The following RBFOX1 variants were observed in gnomAD, a reference collection of about 807,000 sequenced individuals.
The protein encoded by RBFOX1 is RNA binding protein fox-1 homolog 1.
RBFOX1 carries 8 observed loss-of-function variants against 57.7 expected under a neutral mutation model. The ratio of observed to expected loss-of-function variants is 0.14; its 90% confidence interval spans 0.08 to 0.25. The LOEUF (loss-of-function observed/expected upper bound fraction) is 0.25, where lower values mean the gene tolerates loss of function less well. Among genes scored for constraint, RBFOX1 ranks in the 10% least tolerant of loss-of-function variants. The pLI, the probability that RBFOX1 is intolerant of heterozygous loss-of-function variation, is 1.00. For missense variants in RBFOX1, 611 were observed against 548.5 expected (o/e 1.11, Z -1.14); for synonymous variants, 326 against 222.4 (o/e 1.47, Z -4.15).
At chr16:6,591,013 T>G (rs1487363093) in intron 2 of RBFOX1, among the ~76,000 whole-genome samples, 1 of 152,132 alleles carries the variant, frequency 6.6e-6, no homozygotes, top group Non-Finnish European at 1.5e-5. Context: ...CTGAACTTGG[T>G]TTTGGCACTT....
intron 2 of RBFOX1, among the ~76,000 whole-genome samples, chr16:5,547,565 T>G (rs1456498382): frequency 6.6e-6 from 1 of 152,122 alleles, no homozygotes; most frequent in African/African-American, 2.4e-5. Context: ...AAATCTATAG[T>G]GACAGAAAGC....
intron 4 of RBFOX1, among the ~76,000 whole-genome samples, chr16:7,058,156 G>C (rs538603706): frequency 8.5e-5 from 13 of 152,096 alleles, no homozygotes; most frequent in Non-Finnish European, 1.8e-4. Context: ...GACACCTACC[G>C]CACGTCTTAC....
At chr16:7,397,854 T>C (rs778686221) in intron 4 of RBFOX1, among the ~76,000 whole-genome samples, 4 of 152,196 alleles carry the variant, frequency 2.6e-5, no homozygotes, top group Non-Finnish European at 5.9e-5. Context: ...AATAAACCTC[T>C]TAGTCTATTG....
chr16:5,943,802 C>T (rs1265373118), intron 4 of RBFOX1, among the ~76,000 whole-genome samples: 1 of 152,166 alleles, frequency 6.6e-6, no homozygotes, highest in Non-Finnish European at 1.5e-5. Context: ...TTTATCTATT[C>T]ACCCACCTAC....
At chr16:6,858,257 C>T (rs1325703428) in intron 3 of RBFOX1, among the ~76,000 whole-genome samples, 3 of 152,182 alleles carry the variant, frequency 2.0e-5, no homozygotes, top group African/African-American at 7.2e-5. Flanking sequence ...TGATGAACTA[C>T]ACTTTGTAGG....
At chr16:6,738,496 C>G (rs1285306265) in intron 3 of RBFOX1, among the ~76,000 whole-genome samples, 1 of 152,118 alleles carries the variant, frequency 6.6e-6, no homozygotes, top group South Asian at 2.1e-4. Context: ...GAAGCAAAAA[C>G]ATGTAGAACA....
chr16:7,019,229 G>T (rs2094081534), intron 3 of RBFOX1, among the ~76,000 whole-genome samples: 1 of 152,022 alleles, frequency 6.6e-6, no homozygotes, highest in South Asian at 2.1e-4. Flanking sequence ...GGTTTGGTGT[G>T]TTTGCCTTGT....
chr16:7,362,627 G>C (rs2097351184), intron 4 of RBFOX1, among the ~76,000 whole-genome samples: 1 of 151,828 alleles, frequency 6.6e-6, no homozygotes, highest in Admixed American at 6.6e-5. Context: ...CGTGTAGTAT[G>C]TGTTTTGTGC....
At chr16:6,829,454 C>A (rs1484865055) in intron 3 of RBFOX1, among the ~76,000 whole-genome samples, 1 of 146,876 alleles carries the variant, frequency 6.8e-6, no homozygotes, top group Non-Finnish European at 1.5e-5. Context: ...TTGGGTCTGT[C>A]CATGCAATGA....
At chr16:6,548,259 T>A (rs76866330) in intron 2 of RBFOX1, among the ~76,000 whole-genome samples, 3,998 of 152,260 alleles carry the variant, frequency 0.026, 152 homozygotes, top group South Asian at 0.072. Flanking sequence ...TGTCAGCAAC[T>A]GTCAAAAAAG....
chr16:5,813,792 G>A (rs1369717088), intron 3 of RBFOX1, among the ~76,000 whole-genome samples: 2 of 152,162 alleles, frequency 1.3e-5, no homozygotes, highest in East Asian at 3.8e-4. Context: ...TCATTATTTG[G>A]ATCCAGTCTC....
chr16:6,038,001 T>C (rs1305043493), intron 1 of RBFOX1: 1 of 152,118 alleles, frequency 6.6e-6, no homozygotes, highest in African/African-American at 2.4e-5. Flanking sequence ...TTAGGCATGA[T>C]ACATTATTGC....
intron 3 of RBFOX1, among the ~76,000 whole-genome samples, chr16:6,895,462 A>ATG (rs2066624915): frequency 1.1e-5 from 1 of 94,766 alleles, no homozygotes; most frequent in Non-Finnish European, 2.1e-5. Context: ...ATATATATAT[A>ATG]TATATATATA....
intron 4 of RBFOX1, among the ~76,000 whole-genome samples, chr16:7,308,275 G>A (rs928918598): frequency 5.5e-5 from 8 of 145,476 alleles, no homozygotes; most frequent in East Asian, 2.1e-4. Context: ...TGCAAACTGC[G>A]TGTCAGATTC....
At chr16:6,513,009 C>T (rs927116017) in intron 2 of RBFOX1, among the ~76,000 whole-genome samples, 3 of 152,144 alleles carry the variant, frequency 2.0e-5, no homozygotes, top group Non-Finnish European at 4.4e-5. Context: ...TACTTCTCAT[C>T]GATGTCTCCT....
chr16:7,058,005 GGA>G (rs1491308848), intron 4 of RBFOX1, among the ~76,000 whole-genome samples: 3 of 121,618 alleles, frequency 2.5e-5, no homozygotes, highest in Non-Finnish European at 5.0e-5. Flanking sequence ...GAGACTGTGG[GGA>G]AAAAAAAAAA....
chr16:5,963,322 A>G (rs9940876), intron 4 of RBFOX1, among the ~76,000 whole-genome samples: 1 of 152,140 alleles, frequency 6.6e-6, no homozygotes, highest in African/African-American at 2.4e-5. Flanking sequence ...TATCATTCCC[A>G]CCATTGCCAT....
intron 4 of RBFOX1, among the ~76,000 whole-genome samples, chr16:7,504,606 G>C (rs1040948934): frequency 6.8e-6 from 1 of 147,636 alleles, no homozygotes; most frequent in African/African-American, 2.6e-5. Context: ...TATGAGGTCT[G>C]GATTTGCACT....
intron 5 of RBFOX1, among the ~76,000 whole-genome samples, chr16:7,546,817 A>G (rs1418830509): frequency 6.6e-6 from 1 of 152,040 alleles, no homozygotes; most frequent in East Asian, 1.9e-4. Flanking sequence ...ATTTTTTCCC[A>G]TTTTTCACTG....
Sources: allele counts gnomAD v4.1 joint callset (sites outside exome capture counted in the v4.1 genomes callset), GRCh38; gene constraint gnomAD v4.1.1; transcripts MANE v1.5; gene names NCBI Gene and HGNC (gene_info 2026-07-23, HGNC 2026-07-21).